Variants in HDAC2 observed in about 807,000 individuals in gnomAD.
The protein encoded by HDAC2 is YY1-associated factor 1.
Under a neutral mutation model 68.5 loss-of-function variants are expected in HDAC2, and 5 were observed. The observed-to-expected ratio is 0.07, with a 90% CI of 0.04 to 0.15. The LOEUF is 0.15. Ranked by LOEUF, HDAC2 falls within the 10% of genes least tolerant of loss-of-function variation. HDAC2 has a pLI of 1.00. For synonymous variants in HDAC2, 182 were observed against 191.3 expected (o/e 0.95, Z 0.40); for missense variants, 291 against 600.8 (o/e 0.48, Z 5.39).
chr6:113,950,397 T>C (rs1776382031), intron 6 of HDAC2, among the ~76,000 whole-genome samples: 1 of 151,804 alleles, frequency 6.6e-6, no homozygotes, highest in African/African-American at 2.4e-5. Context: ...TTTTTGTTTT[T>C]TGAGATCAAG....
rs1360400749 is a variant in HDAC2 at position 113,970,813 on chromosome 6, G to T, written c.52+44C>A. On this transcript the variant is annotated intron_variant, in intron 1 of 13. Transcript: ENST00000519065. ...CGCGACGGCAGCCGCGGAACCCAGC[G>T]CCCGGCCCCGCGCGCCCACCCCGAC... 12 of 1,508,068 alleles carry T rather than the reference G, an allele frequency of 8.0e-6. No individual in the cohort carries two copies. In the Admixed American group the frequency reaches 2.6e-4, roughly 33 times the overall value. 93.4% of individuals were successfully genotyped at this position (1,508,068 alleles called of 1,614,324 possible).
intron 8 of HDAC2, chr6:113,948,725 T>C (rs1446543511): frequency 7.4e-6 from 3 of 407,212 alleles, no homozygotes; most frequent in East Asian, 7.8e-5. Flanking sequence ...TCAACAACCA[T>C]TCAAAAATAG....
At chr6:113,970,580 G>A (rs1263149624) in intron 1 of HDAC2, 1 of 1,262,192 alleles carries the variant, frequency 7.9e-7, no homozygotes, top group South Asian at 2.8e-5. Context: ...GTCCCCAGCG[G>A]CGGCCACCTT....
At chr6:113,963,117 CTT>C (rs1333168724) in intron 1 of HDAC2, among the ~76,000 whole-genome samples, 4 of 151,578 alleles carry the variant, frequency 2.6e-5, no homozygotes, top group Non-Finnish European at 5.9e-5. Flanking sequence ...GAGTTTCGCT[CTT>C]GTCACCCAGG....
chr6:113,947,674 GTTA>G, intron 8 of HDAC2: 1 of 152,202 alleles, frequency 6.6e-6, no homozygotes, highest in Non-Finnish European at 1.5e-5. Context: ...GCAAAAGATG[GTTA>G]TTAACACATT....
chr6:113,968,406 G>C (rs1315347159), intron 1 of HDAC2: 2 of 152,072 alleles, frequency 1.3e-5, no homozygotes, highest in Non-Finnish European at 1.5e-5. Flanking sequence ...AATTAGTATT[G>C]CTACTTTTGT....
At position 113,940,983 on chromosome 6, in the gene HDAC2, GTCT is replaced by G; in HGVS notation, c.*72_*74del. On this transcript the variant is annotated 3_prime_UTR_variant, in exon 14 of 14. Transcript: ENST00000519065. The stretch of plus-strand genomic sequence containing the variant: ...AAAGTAGTATAAAATGAAGCCAGAA[GTCT>G]TCAAAAAGAAAACATTTTCCTTTCA... 2 of 1,174,942 alleles carry G rather than the reference GTCT, an allele frequency of 1.7e-6. No individual in the cohort carries two copies. The highest frequency in any genetic ancestry group is 2.5e-6 in the Non-Finnish European group (2 of 796,208). 72.8% of individuals were successfully genotyped at this position (1,174,942 alleles called of 1,614,324 possible).
At chr6:113,945,668 TCTGA>T (rs1582479016) in intron 9 of HDAC2, among the ~76,000 whole-genome samples, 198 bp from the exon 10 acceptor site, 1 of 152,368 alleles carries the variant, frequency 6.6e-6, no homozygotes, top group African/African-American at 2.4e-5. Flanking sequence ...ACAGACAGTC[TCTGA>T]CTTTCAATGG....
At chr6:113,959,398 A>T (rs996394276) in intron 2 of HDAC2, among the ~76,000 whole-genome samples, 1 of 151,948 alleles carries the variant, frequency 6.6e-6, no homozygotes, top group Non-Finnish European at 1.5e-5. Flanking sequence ...GTTTATACAT[A>T]CCCTCATCTT....
chr6:113,949,610 C>A (rs891045463), intron 6 of HDAC2, among the ~76,000 whole-genome samples: 1 of 152,058 alleles, frequency 6.6e-6, no homozygotes, highest in Non-Finnish European at 1.5e-5. Context: ...GATGACAAGG[C>A]AACTTTATGA....
At chr6:113,958,400 A>G (rs891533482) in intron 3 of HDAC2, 7 of 330,802 alleles carry the variant, frequency 2.1e-5, no homozygotes, top group Non-Finnish European at 3.8e-5. Context: ...GTATTAACCC[A>G]AAGTTATCAG....
intron 1 of HDAC2, among the ~76,000 whole-genome samples, chr6:113,960,384 T>C (rs952322328): frequency 7.9e-5 from 12 of 152,056 alleles, no homozygotes; most frequent in African/African-American, 2.4e-4. Flanking sequence ...ATTGGTATGA[T>C]TTAAAATTTT....
chr6:113,935,025 C>G lies in HDAC2; in HGVS notation c.*6033G>C, dbSNP rs1223957202. 6.6e-6 allele frequency: 1 copy of G among 152,138 alleles called. No individual in the cohort carries two copies. Among genetic ancestry groups the G allele is most frequent in the Non-Finnish European group, 1.5e-5 (1 of 68,028 alleles). 9.4% of individuals were successfully genotyped at this position (152,138 alleles called of 1,614,324 possible). A position where few individuals can be genotyped will look rare whatever the true frequency, so the allele number is the denominator to read the frequency against. ...GATTCTACGGAAATTAGAAATCTAGCCTTTTTAAGAATATAACTTTGGAAA... is the reference window on the plus strand; with the variant it reads ...GATTCTACGGAAATTAGAAATCTAGGCTTTTTAAGAATATAACTTTGGAAA... On this transcript the variant is annotated 3_prime_UTR_variant, in exon 14 of 14. Transcript: ENST00000519065.
intron 6 of HDAC2, among the ~76,000 whole-genome samples, chr6:113,950,362 T>A (rs894373266): frequency 1.3e-5 from 2 of 151,856 alleles, no homozygotes; most frequent in Admixed American, 1.3e-4. Context: ...TACCAAAGGA[T>A]TGGGGTGTGC....
chr6:113,949,676 GAATCCTTCTTGTGGTTCAC>G (rs200901545), intron 6 of HDAC2, among the ~76,000 whole-genome samples: 13 of 152,152 alleles, frequency 8.5e-5, no homozygotes, highest in East Asian at 5.8e-4. Flanking sequence ...ATCATCTGCA[GAATCCTTCTTGTGGTTCAC>G]AATCTGTTGG....
chr6:113,937,848 TA>T lies in HDAC2; in HGVS notation c.*3209del, dbSNP rs958936019. ...TCCTGGGTGACCGAGATCCTTTCTCTAAAAAAAAGAGATAAACAGCCAGGTG... is the reference window on the plus strand; with the variant it reads ...TCCTGGGTGACCGAGATCCTTTCTCTAAAAAAAGAGATAAACAGCCAGGTG... On this transcript the variant is annotated 3_prime_UTR_variant, in exon 14 of 14. Transcript: ENST00000519065. The T allele has an allele frequency of 1.3e-5, 2 of 151,890 alleles. No individual in the cohort carries two copies. Among genetic ancestry groups the T allele is most frequent in the Non-Finnish European group, 1.5e-5 (1 of 68,000 alleles). The allele number at this position is 151,890 out of a possible 1,614,324, so 9.4% of individuals were successfully genotyped here.
chr6:113,956,220 CACT>C lies in HDAC2; in HGVS notation c.359-72_359-70del, dbSNP rs763054562. ...AAAAAGTAGTAGAATGAGACAAAAA[CACT>C]ACAAGTGTATGCCATGCATAAGCAA... On this transcript the variant is annotated intron_variant, in intron 4 of 13. Coordinates refer to ENST00000519065, the MANE Select transcript of HDAC2 (RefSeq NM_001527.4). 405 of 1,301,572 alleles carry C rather than the reference CACT, an allele frequency of 3.1e-4. 2 individuals are homozygous for C. Among genetic ancestry groups the C allele is most frequent in the Non-Finnish European group, 1.1e-4 (100 of 940,914 alleles). 80.6% of individuals were successfully genotyped at this position (1,301,572 alleles called of 1,614,324 possible).
chr6:113,945,922 T>A, intron 9 of HDAC2, 86 bp downstream of exon 9: 1 of 1,037,274 alleles, frequency 9.6e-7, no homozygotes, highest in South Asian at 1.4e-5. Flanking sequence ...TTATGATGGG[T>A]TTATCAGGAC....
intron 1 of HDAC2, chr6:113,969,993 A>G (rs1177328956): frequency 1.3e-5 from 2 of 152,350 alleles, no homozygotes; most frequent in Admixed American, 6.5e-5. Context: ...GCCAGGACCC[A>G]TGGAGTCTGA....
Sources: allele counts gnomAD v4.1 joint callset (sites outside exome capture counted in the v4.1 genomes callset), GRCh38; gene constraint gnomAD v4.1.1; transcripts MANE v1.5; gene names NCBI Gene and HGNC (gene_info 2026-07-23, HGNC 2026-07-21).